ZNF83: variants seen among roughly 807,000 people sequenced by gnomAD.
ZNF83 encodes zinc finger protein 816B.
For missense variants in ZNF83, 552 were observed against 629.9 expected (o/e 0.88, Z 1.32); for synonymous variants, 209 against 213.0 (o/e 0.98, Z 0.17).
chr19:52,665,934 G>T (rs1333897062), intron 1 of ZNF83, among the ~76,000 whole-genome samples: 2 of 152,002 alleles, frequency 1.3e-5, no homozygotes, highest in East Asian at 3.9e-4. Flanking sequence ...GCTGAGGTGG[G>T]CAAATCACGA....
At position 52,655,472 on chromosome 19, in the gene ZNF83, C is replaced by G. The variant is rs571769586; in HGVS notation, c.-74+89G>C. 5 of 1,228,158 alleles carry G rather than the reference C, an allele frequency of 4.1e-6. No individual in the cohort carries two copies. The African/African-American group carries it at 6.0e-5, about 15-fold the overall frequency. 76.1% of individuals were successfully genotyped at this position (1,228,158 alleles called of 1,614,324 possible). A position where few individuals can be genotyped will look rare whatever the true frequency, so the allele number is the denominator to read the frequency against. ...GACATGTACATCAAAAGCATGTATG[C>G]GGCAAAATCACAAAAGAGAATACAA... On this transcript the variant is annotated intron_variant, in intron 3 of 5. Coordinates refer to the ZNF83 transcript ENST00000594682.
chr19:52,675,690 G>A (rs1161738701), intron 1 of ZNF83, among the ~76,000 whole-genome samples: 1 of 152,028 alleles, frequency 6.6e-6, no homozygotes, highest in African/African-American at 2.4e-5. Flanking sequence ...ACCATGTGAT[G>A]CAAGGCCAGG....
chr19:52,686,667 A>C (rs953678479), intron 1 of ZNF83, among the ~76,000 whole-genome samples: 1 of 152,026 alleles, frequency 6.6e-6, no homozygotes, highest in Non-Finnish European at 1.5e-5. Flanking sequence ...TCTACCTCCC[A>C]GGTTCAAGTG....
intron 1 of ZNF83, among the ~76,000 whole-genome samples, chr19:52,666,118 C>T (rs1031835607): frequency 1.7e-4 from 25 of 146,502 alleles, no homozygotes; most frequent in Non-Finnish European, 2.2e-4. Flanking sequence ...GAGCCAAGAT[C>T]GCACCACTGC....
At chr19:52,652,870 G>A (rs2061460242) in intron 3 of ZNF83, 3 of 1,017,766 alleles carry the variant, frequency 2.9e-6, no homozygotes, top group Non-Finnish European at 4.6e-6. Flanking sequence ...ATGACTGAAG[G>A]TCTTGCCACA....
At chr19:52,628,241 C>T (rs7255133) in intron 2 of ZNF83, among the ~76,000 whole-genome samples, 18,618 of 152,138 alleles carry the variant, frequency 0.12, 1,241 homozygotes, top group South Asian at 0.23. Context: ...GGAGATCAAT[C>T]GCTGTCCTCC....
chr19:52,656,470 A>G (rs1027960098), intron 2 of ZNF83, among the ~76,000 whole-genome samples: 5 of 152,144 alleles, frequency 3.3e-5, no homozygotes, highest in African/African-American at 1.2e-4. Flanking sequence ...GGTTGTGGTA[A>G]GCTGAGATGA....
At chr19:52,668,233 C>T (rs1250209068) in intron 1 of ZNF83, among the ~76,000 whole-genome samples, 1 of 152,126 alleles carries the variant, frequency 6.6e-6, no homozygotes, top group African/African-American at 2.4e-5. Flanking sequence ...AGGACCCTAT[C>T]TTGTGCTGCT....
rs139640804 is a variant in ZNF83 at position 52,663,467 on chromosome 19, T to G, written c.-282-2624A>C. On this transcript the variant is annotated intron_variant, in intron 1 of 5. Transcript: ENST00000594682. ...CATCCTTCAACATCTGCAAAGAATA[T>G]TATGGACCAGAGGAACTTGAGGAAA... is the stretch of plus-strand genomic sequence containing the variant. Among the ~76,000 whole-genome samples, 22 of 152,292 alleles carry G rather than the reference T, an allele frequency of 1.4e-4. No individual in the cohort carries two copies. The East Asian group carries it at 3.1e-3, about 21-fold the overall frequency.
intron 1 of ZNF83, among the ~76,000 whole-genome samples, chr19:52,680,775 G>A (rs1003819566): frequency 6.2e-5 from 9 of 145,976 alleles, no homozygotes; most frequent in Admixed American, 2.7e-4. Flanking sequence ...ACTACGCCCG[G>A]CTAATTTTTT....
intron 2 of ZNF83, among the ~76,000 whole-genome samples, chr19:52,629,291 C>T (rs2060862226): frequency 6.6e-6 from 1 of 152,146 alleles, no homozygotes; most frequent in Non-Finnish European, 1.5e-5. Flanking sequence ...TTCTTTTACA[C>T]ATCGGTCCCT....
chr19:52,663,362 G>A (rs1373839457), intron 1 of ZNF83, among the ~76,000 whole-genome samples: 1 of 152,162 alleles, frequency 6.6e-6, no homozygotes, highest in Admixed American at 6.5e-5. Context: ...GAGAGGCAGT[G>A]GTAGAAATGA....
chr19:52,667,224 GAAAAAAAA>G (rs34235519), intron 1 of ZNF83, among the ~76,000 whole-genome samples: 10 of 86,182 alleles, frequency 1.2e-4, no homozygotes, highest in Non-Finnish European at 2.6e-4. Context: ...TATCATCTTT[GAAAAAAAA>G]AAAAAAAAAA....
At chr19:52,622,568 T>C (rs2060588175) in intron 2 of ZNF83, among the ~76,000 whole-genome samples, 1 of 152,098 alleles carries the variant, frequency 6.6e-6, no homozygotes. Context: ...AAGATTATGA[T>C]TTCCTGCCTA....
At chr19:52,666,080 T>C (rs1360051663) in intron 1 of ZNF83, among the ~76,000 whole-genome samples, 2 of 147,610 alleles carry the variant, frequency 1.4e-5, no homozygotes, top group Non-Finnish European at 3.0e-5. Flanking sequence ...GGGAGAATGG[T>C]GTGAACCCGG....
chr19:52,634,027 TAGG>T, intron 2 of ZNF83, among the ~76,000 whole-genome samples: 1 of 151,348 alleles, frequency 6.6e-6, no homozygotes, highest in South Asian at 2.1e-4. Context: ...CACAGCACTA[TAGG>T]AGGCTGAGGC....
chr19:52,637,304 A>T (rs965335051), intron 1 of ZNF83, among the ~76,000 whole-genome samples: 18 of 151,886 alleles, frequency 1.2e-4, no homozygotes, highest in African/African-American at 4.4e-4. Context: ...CAATATGTGG[A>T]ACCACAGATC....
chr19:52,629,143 G>A (rs949090536), intron 2 of ZNF83, among the ~76,000 whole-genome samples: 2 of 152,010 alleles, frequency 1.3e-5, no homozygotes, highest in Admixed American at 1.3e-4. Context: ...CTTCTGCAAT[G>A]CCGCTGGACC....
At chr19:52,683,806 C>A (rs376904247) in intron 1 of ZNF83, among the ~76,000 whole-genome samples, 4 of 152,252 alleles carry the variant, frequency 2.6e-5, no homozygotes, top group African/African-American at 9.6e-5. Context: ...TTGCCCCAGC[C>A]CCTCAGTCTT....
Sources: gnomAD v4.1 joint callset for allele counts (sites outside exome capture counted in the v4.1 genomes callset) on GRCh38, gnomAD v4.1.1 for gene constraint, MANE v1.5 for transcripts, NCBI Gene and HGNC (gene_info 2026-07-23, HGNC 2026-07-21) for gene names.